Variants in CYBB observed in about 807,000 individuals in gnomAD.
The protein encoded by CYBB is NADPH oxidase 2.
A neutral mutation model predicts 46.5 loss-of-function variants in CYBB; 5 were observed. That is an observed-to-expected ratio of 0.11 (90% CI 0.06 to 0.23). CYBB has a LOEUF of 0.23. CYBB is among the 10% of genes least tolerant of loss of function. CYBB has a pLI of 1.00. For synonymous variants in CYBB, 183 were observed against 156.7 expected (o/e 1.17, Z -1.26); for missense variants, 307 against 428.3 (o/e 0.72, Z 2.50).
In CYBB at chrX:37,801,586, T is replaced by TTGTGTGTGTGTGTG. The variant is rs58302662; in HGVS notation, c.897+268_897+281dup. ...TCTGGACATCAATCTCCCCCACCCA[T>TTGTGTGTGTGTGTG]TGTGTGTGTGTGTGTGTGTGTGTGT... On this transcript the variant is annotated intron_variant, in intron 8 of 12. Transcript: ENST00000378588. Among the ~76,000 whole-genome samples the TTGTGTGTGTGTGTG allele has an allele frequency of 3.2e-3, 268 of 84,540 alleles. 1 individual carries two copies. Among genetic ancestry groups the TTGTGTGTGTGTGTG allele is most frequent in the Non-Finnish European group, 4.8e-3 (210 of 43,396 alleles). The allele number at this position is 84,540 out of a possible 115,157, so 73.4% of individuals were successfully genotyped here. A position where few individuals can be genotyped will look rare whatever the true frequency, so the allele number is the denominator to read the frequency against.
Position 37,782,152 on chromosome X carries a change from C to T in CYBB, c.110C>T (p.Pro37Leu). The T allele has an allele frequency of 8.3e-7, 1 of 1,206,713 alleles. No individual in the cohort carries two copies. The highest frequency in any genetic ancestry group is 1.1e-6 in the Non-Finnish European group (1 of 890,826). The change falls in exon 2 of 13, where the codon CCT becomes CTT. Residue 37 changes from proline (P) to leucine (L), a missense_variant. By Grantham distance (98) the Pro-to-Leu change is moderately conservative. Around this residue, in one of 3 missense-constraint regions of CYBB, gnomAD observed 103 missense variants for 150.2 expected, o/e 0.69. Transcript: ENST00000378588. ...TATTACCGGGTTTATGATATTCCACCTAAGTTCTTTTACACAAGAAAACTT... is the reference window on the plus strand; with the variant it reads ...TATTACCGGGTTTATGATATTCCACTTAAGTTCTTTTACACAAGAAAACTT... Reference protein sequence around the residue: ...VWYYRVYDIPPKFFYTRKLLG... With the variant: ...VWYYRVYDIPLKFFYTRKLLG...
chrX:37,790,998 G>A (rs1184101233), intron 3 of CYBB, among the ~76,000 whole-genome samples: 1 of 111,444 alleles, frequency 9.0e-6, no homozygotes, highest in East Asian at 2.8e-4. Flanking sequence ...GCATTGGCAC[G>A]AATTGAGATT....
At chrX:37,809,262 CG>C (rs1296573195) in intron 11 of CYBB, among the ~76,000 whole-genome samples, 1 of 112,139 alleles carries the variant, frequency 8.9e-6, no homozygotes, top group Admixed American at 9.5e-5. Flanking sequence ...TCAAATACTG[CG>C]GCCCTAACCC....
Position 37,810,997 on chromosome X carries a change from C to G in CYBB, c.*80C>G. 1 of 956,595 alleles carries G rather than the reference C, an allele frequency of 1.0e-6. No individual in the cohort carries two copies. Among genetic ancestry groups the G allele is most frequent in the Non-Finnish European group, 1.5e-6 (1 of 681,033 alleles). 78.8% of individuals were successfully genotyped at this position (956,595 alleles called of 1,213,427 possible). On this transcript the variant is annotated 3_prime_UTR_variant, in exon 13 of 13. Coordinates refer to ENST00000378588, the MANE Select transcript of CYBB (RefSeq NM_000397.4). ...ATGCTAATTGATAATATAAATACCC[C>G]CTGCTTAAAAATGGACAAAAAGAAA... is the stretch of plus-strand genomic sequence containing the variant.
chrX:37,791,931 C>T (rs1385330007), intron 3 of CYBB, 44 bp from the exon 4 acceptor site: 3 of 1,009,750 alleles, frequency 3.0e-6, no homozygotes, highest in African/African-American at 3.8e-5. Context: ...AGCAAGCTTT[C>T]CTGTTAACAA....
Position 37,783,558 on chromosome X carries a change from A to T in CYBB, c.210A>T (p.Pro70=). 1 of 1,209,153 alleles carries T rather than the reference A, an allele frequency of 8.3e-7. No homozygotes were observed. The highest frequency in any genetic ancestry group is 1.7e-5 in the African/African-American group (1 of 57,802). The change falls in exon 3 of 13, where the codon CCA becomes CCT. Residue 70 remains proline (P), a synonymous_variant. Transcript: ENST00000378588. ...LNFNCMLILL[P]VCRNLLSFLR... ...TCAACTGCATGCTGATTCTCTTGCC[A>T]GTCTGTCGAAATCTGCTGTCCTTCC... is the stretch of plus-strand genomic sequence containing the variant.
At chrX:37,797,255 T>C (rs1471714928) in intron 6 of CYBB, among the ~76,000 whole-genome samples, 1 of 112,075 alleles carries the variant, frequency 8.9e-6, no homozygotes. Flanking sequence ...AAGAATCTGA[T>C]GACTCTCTTA....
At chrX:37,809,785 A>C in intron 12 of CYBB, 94 bp downstream of exon 12, 1 of 880,250 alleles carries the variant, frequency 1.1e-6, no homozygotes, top group Non-Finnish European at 1.6e-6. Context: ...TTAGAAACTC[A>C]AATATGTATA....
Position 37,812,058 on chromosome X carries a change from A to T in CYBB, c.*1141A>T, listed in dbSNP as rs1425264850. The T allele has an allele frequency of 8.9e-6, 1 of 112,323 alleles. No individual in the cohort carries two copies. Among genetic ancestry groups the T allele is most frequent in the Non-Finnish European group, 1.9e-5 (1 of 53,263 alleles). The allele number at this position is 112,323 out of a possible 1,213,427, so 9.3% of individuals were successfully genotyped here. On this transcript the variant is annotated 3_prime_UTR_variant, in exon 13 of 13. Transcript: ENST00000378588. ...CACCCACCCCTTATTTTCCGTAAAT[A>T]CACACACAAAATGGATCGCATCTGT...
At chrX:37,782,289 C>G (rs1393188080) in intron 2 of CYBB, 106 bp downstream of exon 2, 1 of 559,518 alleles carries the variant, frequency 1.8e-6, no homozygotes, top group African/African-American at 2.3e-5. Flanking sequence ...CTGACCAACC[C>G]AAACAGTACC....
chrX:37,810,684 G>A (rs1052334033), intron 12 of CYBB, 107 bp from the exon 13 acceptor site: 14 of 808,331 alleles, frequency 1.7e-5, no homozygotes, highest in East Asian at 3.3e-5. Flanking sequence ...AAAAGGAGCA[G>A]AGGGGACTCT....
chrX:37,795,619 A>G lies in CYBB; in HGVS notation c.484-332A>G, dbSNP rs1195405063. Reference sequence around the variant, plus strand: ...AAAATCAAAGGGAGAAAGAGCCTTCAGACACTTTTAGGACATCCTGTAGTT... The same window carrying G: ...AAAATCAAAGGGAGAAAGAGCCTTCGGACACTTTTAGGACATCCTGTAGTT... On this transcript the variant is annotated intron_variant, in intron 5 of 12. Coordinates refer to ENST00000378588, the MANE Select transcript of CYBB (RefSeq NM_000397.4). Among the ~76,000 whole-genome samples the G allele has an allele frequency of 2.7e-5, 3 of 112,046 alleles. No individual in the cohort carries two copies. The East Asian group carries it at 8.5e-4, about 32-fold the overall frequency.
intron 11 of CYBB, among the ~76,000 whole-genome samples, chrX:37,807,976 C>T (rs1370667107): frequency 5.4e-5 from 6 of 111,798 alleles, no homozygotes; most frequent in African/African-American, 1.3e-4. Context: ...GGTAATGATT[C>T]CTGGAGTGGT....
At position 37,783,649 on chromosome X, in the gene CYBB, A is replaced by G. The variant is rs6610661; in HGVS notation, c.252+49A>G. 3,088 of 840,090 alleles carry G rather than the reference A, an allele frequency of 3.7e-3. 68 individuals carry two copies. The African/African-American group carries it at 0.054, about 15-fold the overall frequency. The allele number at this position is 840,090 out of a possible 1,213,427, so 69.2% of individuals were successfully genotyped here. A position where few individuals can be genotyped will look rare whatever the true frequency, so the allele number is the denominator to read the frequency against. ...TTCCTCTAATTTTCAAAGGCCATCA[A>G]GCAAAATGCCCTTTTTTAGGTAAAA... On this transcript the variant is annotated intron_variant, in intron 3 of 12. Coordinates refer to ENST00000378588, the MANE Select transcript of CYBB (RefSeq NM_000397.4).
At chrX:37,797,067 G>C (rs895535462) in intron 6 of CYBB, among the ~76,000 whole-genome samples, 1 of 111,260 alleles carries the variant, frequency 9.0e-6, no homozygotes, top group Non-Finnish European at 1.9e-5. Flanking sequence ...AGGAAATTAG[G>C]GTTGGAGGAA....
chrX:37,791,349 T>A (rs1194557396), intron 3 of CYBB, among the ~76,000 whole-genome samples: 4 of 112,196 alleles, frequency 3.6e-5, no homozygotes, highest in African/African-American at 1.3e-4. Flanking sequence ...CATTAAAGAT[T>A]AATGTAAGAA....
In CYBB at chrX:37,811,195, G is replaced by A. The variant is rs1929667241; in HGVS notation, c.*278G>A. ...GAAAAGATTCTTGGACTCAATTTTA[G>A]AATCAAAAGGGAAAGGATCAAAAGG... On this transcript the variant is annotated 3_prime_UTR_variant, in exon 13 of 13. Coordinates refer to ENST00000378588, the MANE Select transcript of CYBB (RefSeq NM_000397.4). The A allele has an allele frequency of 2.2e-5, 6 of 267,429 alleles. No individual in the cohort carries two copies. The South Asian group carries it at 2.4e-4, about 10-fold the overall frequency. The allele number at this position is 267,429 out of a possible 1,213,427, so 22.0% of individuals were successfully genotyped here. A position where few individuals can be genotyped will look rare whatever the true frequency, so the allele number is the denominator to read the frequency against.
intron 10 of CYBB, among the ~76,000 whole-genome samples, chrX:37,805,421 A>G (rs375934070): frequency 1.1e-4 from 12 of 112,259 alleles, no homozygotes; most frequent in African/African-American, 3.9e-4. Flanking sequence ...GAAGAAAGAA[A>G]GTTGGGAAAG....
chrX:37,806,544 G>C lies in CYBB; in HGVS notation c.1461+11G>C, dbSNP rs1248891830. The C allele has an allele frequency of 1.7e-6, 2 of 1,204,708 alleles. No homozygotes were observed. The highest frequency in any genetic ancestry group is 2.2e-6 in the Non-Finnish European group (2 of 891,644). ...TGGGATGAGTCTCAGGTAAGGACAA[G>C]ACTCCAAGGCTCAGGTCCTTCCCAT... On this transcript the variant is annotated intron_variant, in intron 11 of 12. Transcript: ENST00000378588.
Sources: allele counts gnomAD v4.1 joint callset (sites outside exome capture counted in the v4.1 genomes callset), GRCh38; gene constraint gnomAD v4.1.1; regional missense constraint gnomAD v4.1.1; transcripts MANE v1.5; gene names NCBI Gene and HGNC (gene_info 2026-07-23, HGNC 2026-07-21).